HS3ST3B1: variants seen among roughly 807,000 people sequenced by gnomAD.
The protein encoded by HS3ST3B1 is heparan sulfate glucosamine 3-O-sulfotransferase 3B1.
In HS3ST3B1, 13 loss-of-function variants were observed where a neutral mutation model predicts 21.3. The observed-to-expected ratio is 0.61, with a 90% confidence interval of 0.40 to 0.97. The LOEUF (loss-of-function observed/expected upper bound fraction) is 0.97. Among genes scored for constraint, HS3ST3B1 ranks in the 50% least tolerant of loss-of-function variants. The pLI is 0.00. For synonymous variants in HS3ST3B1, 234 were observed against 254.8 expected (o/e 0.92, Z 0.78); for missense variants, 459 against 554.8 (o/e 0.83, Z 1.73).
In HS3ST3B1 at chr17:14,303,141, T is replaced by G. The variant is rs1908999617; in HGVS notation, c.554+1069T>G. 6.6e-6 allele frequency among the ~76,000 whole-genome samples: 1 copy of G among 152,142 alleles called. No homozygotes were observed. Among genetic ancestry groups the G allele is most frequent in the Non-Finnish European group, 1.5e-5 (1 of 68,020 alleles). On this transcript the variant is annotated intron_variant, in intron 1 of 1. Coordinates refer to ENST00000360954, the MANE Select transcript of HS3ST3B1 (RefSeq NM_006041.3). This position sits in a 1 kb window ranked among gnomAD's most constrained non-coding sequence, Gnocchi z 5.7. ...GGTCTAGATTTCGGCCTCCGATAACTGTCTTCGACTAGGGGCCCAGGTAAC... is the reference window on the plus strand; with the variant it reads ...GGTCTAGATTTCGGCCTCCGATAACGGTCTTCGACTAGGGGCCCAGGTAAC...
rs1418568470 is a variant in HS3ST3B1, at chr17:14,347,193, G to A, written c.*1547G>A. On this transcript the variant is annotated 3_prime_UTR_variant, in exon 2 of 2. Coordinates refer to ENST00000360954, the MANE Select transcript of HS3ST3B1 (RefSeq NM_006041.3). ...TTGCCTGTAAACCCTTGAGCCTGATGCTCATACAGCTGTCCCTTGTTTTAG... is the reference window on the plus strand; with the variant it reads ...TTGCCTGTAAACCCTTGAGCCTGATACTCATACAGCTGTCCCTTGTTTTAG... The A allele has an allele frequency of 6.6e-6, 1 of 152,204 alleles. No homozygotes were observed. Among genetic ancestry groups the A allele is most frequent in the Admixed American group, 6.5e-5 (1 of 15,278 alleles). 9.4% of individuals were successfully genotyped at this position (152,204 alleles called of 1,614,324 possible).
chr17:14,337,840 C>T (rs76927529), intron 1 of HS3ST3B1, among the ~76,000 whole-genome samples: 5,585 of 151,620 alleles, frequency 0.037, 483 homozygotes, highest in African/African-American at 0.13. Context: ...TTTCCCCCCA[C>T]GAAGGTGGAC....
chr17:14,345,404 G>A lies in HS3ST3B1; in HGVS notation c.931G>A (p.Val311Met). The part of the protein sequence containing the change: ...ISDPAGELGR[V>M]QDFLGLKRII... ...CGACCCGGCCGGGGAGCTGGGCCGC[G>A]TGCAAGACTTCCTGGGCCTCAAGAG... Residue 311 changes from valine to methionine, a missense_variant, in exon 2 of 2, where the codon GTG becomes ATG. By Grantham distance (21) the Val-to-Met change is conservative. This residue lies in a region of HS3ST3B1 where 127 missense variants were observed against 209.9 expected (regional missense o/e 0.60). Transcript: ENST00000360954. 1 of 1,250,386 alleles carries A rather than the reference G, an allele frequency of 8.0e-7. No individual in the cohort carries two copies. Among genetic ancestry groups the A allele is most frequent in the African/African-American group, 1.5e-5 (1 of 67,114 alleles). 77.5% of individuals were successfully genotyped at this position (1,250,386 alleles called of 1,614,324 possible).
At chr17:14,343,615 G>T (rs540600780) in intron 1 of HS3ST3B1, among the ~76,000 whole-genome samples, 1 of 151,920 alleles carries the variant, frequency 6.6e-6, no homozygotes, top group Non-Finnish European at 1.5e-5. Flanking sequence ...GATTTATTTC[G>T]CTTAGCATAA....
rs773874080 is a variant in HS3ST3B1 at position 14,302,041 on chromosome 17, C to G, written c.523C>G (p.Arg175Gly). The G allele has an allele frequency of 7.5e-6, 12 of 1,606,654 alleles. No individual in the cohort carries two copies. The South Asian group carries it at 1.3e-4, about 18-fold the overall frequency. Reference protein sequence around the residue: ...AVGAEPHFFDRSYDKGLAWYR... With the variant: ...AVGAEPHFFDGSYDKGLAWYR... ...GGGCGCCGAGCCCCATTTCTTCGAT[C>G]GCAGCTACGACAAGGGCCTCGCTTG... Residue 175 changes from arginine (R) to glycine (G), a missense_variant, in exon 1 of 2, where the codon CGC becomes GGC. By Grantham distance (125) the Arg-to-Gly change is moderately radical. This residue lies in a region of HS3ST3B1 where 317 missense variants were observed against 278.6 expected (regional missense o/e 1.14). Coordinates refer to ENST00000360954, the MANE Select transcript of HS3ST3B1 (RefSeq NM_006041.3).
At chr17:14,329,357 GAAAGAAAGAAAAGGAAGGAA>G (rs1909917333) in intron 1 of HS3ST3B1, 1 of 99,776 alleles carries the variant, frequency 1.0e-5, no homozygotes, top group African/African-American at 4.2e-5. Context: ...AAGAAAGAAA[GAAAGAAAGAAAAGGAAGGAA>G]GGAAGGAAGG....
rs1372604134 is a variant in HS3ST3B1, at chr17:14,301,685, C to T, written c.167C>T (p.Ala56Val). 1 of 1,601,040 alleles carries T rather than the reference C, an allele frequency of 6.2e-7. No individual in the cohort carries two copies. Among genetic ancestry groups the T allele is most frequent in the Non-Finnish European group, 8.5e-7 (1 of 1,175,934 alleles). ...CTGTACTCGTGCGCCGGCTCCTGCGCCGCCGCGCCGGGGCTGCTGCTCCTG... is the reference window on the plus strand; with the variant it reads ...CTGTACTCGTGCGCCGGCTCCTGCGTCGCCGCGCCGGGGCTGCTGCTCCTG... ...MFLYSCAGSC[A>V]AAPGLLLLGS... Residue 56 changes from alanine (A) to valine (V), a missense_variant, in exon 1 of 2, where the codon GCC (alanine) becomes GTC (valine). Physicochemically the swap from Ala to Val is moderately conservative, Grantham distance 64. This residue lies in a region of HS3ST3B1 where 317 missense variants were observed against 278.6 expected (regional missense o/e 1.14). Coordinates refer to ENST00000360954, the MANE Select transcript of HS3ST3B1 (RefSeq NM_006041.3).
intron 1 of HS3ST3B1, among the ~76,000 whole-genome samples, chr17:14,307,895 C>T (rs1011734311): frequency 3.3e-5 from 5 of 152,172 alleles, no homozygotes; most frequent in Admixed American, 6.5e-5. Context: ...AGAGAAATTT[C>T]AATCCTAGGC....
chr17:14,309,652 G>T (rs952328485), intron 1 of HS3ST3B1, among the ~76,000 whole-genome samples: 1 of 152,200 alleles, frequency 6.6e-6, no homozygotes, highest in Non-Finnish European at 1.5e-5. Flanking sequence ...TTTCCAAGTC[G>T]AGCCTATCAG....
chr17:14,336,550 G>A (rs999710976), intron 1 of HS3ST3B1, among the ~76,000 whole-genome samples: 8 of 152,108 alleles, frequency 5.3e-5, no homozygotes, highest in East Asian at 1.9e-4. Context: ...GTAAAGTCTC[G>A]TGTTTCTCCA....
intron 1 of HS3ST3B1, among the ~76,000 whole-genome samples, chr17:14,306,334 G>A (rs1269351891): frequency 2.0e-5 from 3 of 152,204 alleles, no homozygotes; most frequent in Non-Finnish European, 4.4e-5. Context: ...AGAAAACATA[G>A]CAAGTGTCCC....
intron 1 of HS3ST3B1, among the ~76,000 whole-genome samples, chr17:14,333,866 G>A (rs539139479): frequency 1.3e-5 from 2 of 152,150 alleles, no homozygotes; most frequent in Admixed American, 6.5e-5. Context: ...GGGTTCAAGC[G>A]ATTCTCCTGC....
At chr17:14,302,999 G>A (rs1776284787) in intron 1 of HS3ST3B1, among the ~76,000 whole-genome samples, 1 of 152,228 alleles carries the variant, frequency 6.6e-6, no homozygotes. Context: ...AGGTTCCAAA[G>A]GGACAGTGGC....
chr17:14,332,763 G>C (rs1014261396), intron 1 of HS3ST3B1, among the ~76,000 whole-genome samples: 2 of 151,072 alleles, frequency 1.3e-5, no homozygotes, highest in Non-Finnish European at 2.9e-5. Context: ...CATTCAGCAC[G>C]GTGAGGGTAC....
rs529285615 is a variant in HS3ST3B1, at chr17:14,330,740, G to C, written c.555-14288G>C. Among the ~76,000 whole-genome samples, 4 of 152,214 alleles carry C rather than the reference G, an allele frequency of 2.6e-5. No individual in the cohort carries two copies. The South Asian group carries it at 8.3e-4, about 32-fold the overall frequency. ...GGCTGCTTTTCTTGGGAATGAAGCT[G>C]GGAGCAGGGAGGGGACTACAGAGGC... is the stretch of plus-strand genomic sequence containing the variant. On this transcript the variant is annotated intron_variant, in intron 1 of 1. Transcript: ENST00000360954.
intron 1 of HS3ST3B1, among the ~76,000 whole-genome samples, chr17:14,332,325 C>G (rs1351350769): frequency 6.6e-6 from 1 of 152,126 alleles, no homozygotes; most frequent in African/African-American, 2.4e-5. Flanking sequence ...TTGCGGCCTA[C>G]TCTTTCTTTT....
chr17:14,312,712 C>T (rs1597588658), intron 1 of HS3ST3B1, among the ~76,000 whole-genome samples: 1 of 151,946 alleles, frequency 6.6e-6, no homozygotes, highest in Admixed American at 6.6e-5. Flanking sequence ...TTCTCTCCCA[C>T]CTGCCCTTTG....
chr17:14,319,805 G>C (rs1005257941), intron 1 of HS3ST3B1, among the ~76,000 whole-genome samples: 20 of 151,980 alleles, frequency 1.3e-4, no homozygotes, highest in Non-Finnish European at 2.5e-4. Flanking sequence ...AATAGTTTTT[G>C]GGGAAAAGGT....
intron 1 of HS3ST3B1, among the ~76,000 whole-genome samples, chr17:14,312,643 T>C (rs1485845656): frequency 1.3e-5 from 2 of 149,220 alleles, no homozygotes; most frequent in African/African-American, 5.2e-5. Flanking sequence ...CATCTGTGCA[T>C]TTGACTCCCC....
Sources: allele counts gnomAD v4.1 joint callset (sites outside exome capture counted in the v4.1 genomes callset), GRCh38; gene constraint gnomAD v4.1.1; regional missense constraint gnomAD v4.1.1; non-coding constraint Gnocchi (gnomAD v3.1); transcripts MANE v1.5; gene names NCBI Gene and HGNC (gene_info 2026-07-23, HGNC 2026-07-21).